Variants in MSI2 observed in about 807,000 individuals in gnomAD.
The protein encoded by MSI2 is musashi RNA binding protein 2.
In MSI2, 17 loss-of-function variants were observed where a neutral mutation model predicts 45.6. That is an observed-to-expected ratio of 0.37 (90% CI 0.26 to 0.56). MSI2 has a LOEUF of 0.56. Ranked by LOEUF, MSI2 falls within the 20% of genes least tolerant of loss-of-function variation. The pLI is 0.77. For missense variants in MSI2, 293 were observed against 444.2 expected, an observed-to-expected ratio of 0.66 and a Z score of 3.06; for synonymous variants, 156 against 158.2, an observed-to-expected ratio of 0.99 and a Z score of 0.11.
At chr17:57,518,729 T>C (rs1598357083) in intron 6 of MSI2, among the ~76,000 whole-genome samples, 1 of 151,940 alleles carries the variant, frequency 6.6e-6, no homozygotes, top group African/African-American at 2.4e-5. Flanking sequence ...CATTCAGCAG[T>C]TCAGCAGCCT....
intron 6 of MSI2, among the ~76,000 whole-genome samples, chr17:57,501,619 G>A (rs887335609): frequency 3.9e-5 from 6 of 152,290 alleles, no homozygotes; most frequent in Non-Finnish European, 7.4e-5. Context: ...AGATTCTGGC[G>A]TGCTCAGGGA....
At chr17:57,651,698 C>T (rs1347668245) in intron 10 of MSI2, among the ~76,000 whole-genome samples, 1 of 152,262 alleles carries the variant, frequency 6.6e-6, no homozygotes, top group African/African-American at 2.4e-5. Context: ...ACCACTCCGC[C>T]ATGATCTCTG....
Position 57,676,717 on chromosome 17 carries a change from C to T in MSI2, c.946-270C>T, listed in dbSNP as rs545766329. On this transcript the variant is annotated intron_variant, in intron 12 of 13. Transcript: ENST00000284073. The stretch of plus-strand genomic sequence containing the variant: ...GCCCATCACTGGGGGCACAAACCCC[C>T]GTTTCCCACCATCCACCCACGCCTC... Among the ~76,000 whole-genome samples, 19 of 152,324 alleles carry T rather than the reference C, an allele frequency of 1.2e-4. No homozygotes were observed. In the East Asian group the frequency reaches 1.4e-3, roughly 11 times the overall value.
intron 6 of MSI2, among the ~76,000 whole-genome samples, chr17:57,503,363 G>A (rs186537426): frequency 5.9e-5 from 9 of 152,204 alleles, no homozygotes; most frequent in Admixed American, 1.3e-4. Context: ...ACACATATAC[G>A]TTTTGCTAGG....
At chr17:57,698,592 C>T in the MSI2 span, among the ~76,000 whole-genome samples, 2 of 152,162 alleles carry the variant, frequency 1.3e-5, no homozygotes, top group Admixed American at 6.5e-5. Context: ...CAGGGTGCGC[C>T]TTCCGTGGCT....
chr17:57,362,974 A>G (rs1244089295), intron 5 of MSI2, among the ~76,000 whole-genome samples: 1 of 152,224 alleles, frequency 6.6e-6, no homozygotes. Flanking sequence ...AAAATTAAAC[A>G]TAGATTTATT....
chr17:57,645,466 G>A (rs545079379), intron 10 of MSI2, among the ~76,000 whole-genome samples: 1 of 151,126 alleles, frequency 6.6e-6, no homozygotes, highest in Admixed American at 6.6e-5. Context: ...GACAGAATCT[G>A]GCTCTGTCAC....
downstream of MSI2, among the ~76,000 whole-genome samples, chr17:57,687,572 T>C (rs1913910064): frequency 2.0e-5 from 3 of 151,960 alleles, 1 homozygote; most frequent in South Asian, 6.2e-4. Flanking sequence ...CAGGATAAAC[T>C]TAATATCACA....
chr17:57,504,472 C>T (rs996740638), intron 6 of MSI2, among the ~76,000 whole-genome samples: 17 of 152,262 alleles, frequency 1.1e-4, no homozygotes, highest in Non-Finnish European at 1.3e-4. Flanking sequence ...TAGCTTGCCT[C>T]GGGCCATGAG....
At chr17:57,377,730 G>A (rs1022838640) in intron 5 of MSI2, among the ~76,000 whole-genome samples, 5 of 152,270 alleles carry the variant, frequency 3.3e-5, no homozygotes, top group Non-Finnish European at 7.4e-5. Context: ...TAGAGGAGAA[G>A]GAGGATAGAA....
rs114506845 is a variant in MSI2, at chr17:57,281,516, C to T, written c.312+19324C>T. 6.8e-3 allele frequency among the ~76,000 whole-genome samples: 1,042 copies of T among 152,308 alleles called. 13 individuals carry two copies. Among genetic ancestry groups the T allele is most frequent in the African/African-American group, 0.024 (990 of 41,558 alleles). On this transcript the variant is annotated intron_variant, in intron 5 of 13. Transcript: ENST00000284073. Reference sequence around the variant, plus strand: ...CCAGCAAATTGGTATTGCCACTCTCCCTCCATCCCTGGGTTCTCGGGGCTA... The same window carrying T: ...CCAGCAAATTGGTATTGCCACTCTCTCTCCATCCCTGGGTTCTCGGGGCTA...
intron 6 of MSI2, among the ~76,000 whole-genome samples, chr17:57,517,522 C>T (rs1190157718): frequency 6.6e-6 from 1 of 152,158 alleles, no homozygotes; most frequent in East Asian, 1.9e-4. Flanking sequence ...TTTGAAGCTC[C>T]ACGAAGGGTT....
chr17:57,305,004 A>G (rs1911763099), intron 5 of MSI2, among the ~76,000 whole-genome samples: 2 of 152,156 alleles, frequency 1.3e-5, no homozygotes, highest in Non-Finnish European at 2.9e-5. Context: ...AAAATAAGAC[A>G]AGCCAGGTCT....
At chr17:57,572,058 C>T (rs1389129431) in intron 7 of MSI2, among the ~76,000 whole-genome samples, 2 of 152,212 alleles carry the variant, frequency 1.3e-5, no homozygotes, top group Non-Finnish European at 1.5e-5. Context: ...GCTGATCAGC[C>T]GTGCCAAAGA....
intron 5 of MSI2, among the ~76,000 whole-genome samples, chr17:57,312,318 A>G (rs1912465646): frequency 6.6e-6 from 1 of 152,180 alleles, no homozygotes; most frequent in African/African-American, 2.4e-5. Flanking sequence ...ATTCCTGCCT[A>G]CCTTCTATAC....
chr17:57,451,176 G>A (rs533360269), intron 6 of MSI2, among the ~76,000 whole-genome samples: 2 of 152,280 alleles, frequency 1.3e-5, no homozygotes, highest in African/African-American at 4.8e-5. Flanking sequence ...GCCTTTAGCT[G>A]GACCCTGACA....
chr17:57,536,103 AG>A (rs891280073), intron 7 of MSI2, among the ~76,000 whole-genome samples: 8 of 149,216 alleles, frequency 5.4e-5, no homozygotes, highest in African/African-American at 2.0e-4. Context: ...AAAAAAAAAA[AG>A]AGGGCATAGA....
chr17:57,483,768 G>A (rs1231729318), intron 6 of MSI2, among the ~76,000 whole-genome samples: 2 of 152,140 alleles, frequency 1.3e-5, no homozygotes, highest in Non-Finnish European at 2.9e-5. Context: ...CACCTTTACT[G>A]CCAGGATGAA....
chr17:57,553,332 C>T (rs534664002), intron 7 of MSI2, among the ~76,000 whole-genome samples: 4 of 152,336 alleles, frequency 2.6e-5, no homozygotes, highest in Admixed American at 1.3e-4. Flanking sequence ...ATCTTTCACT[C>T]GGCAATTTTT....
Sources: allele counts gnomAD v4.1 joint callset (sites outside exome capture counted in the v4.1 genomes callset), GRCh38; gene constraint gnomAD v4.1.1; transcripts MANE v1.5; gene names NCBI Gene and HGNC (gene_info 2026-07-23, HGNC 2026-07-21).